Variants in PNPLA1 observed in about 807,000 individuals in gnomAD.
PNPLA1 encodes omega-hydroxyceramide transacylase.
Under a neutral mutation model 51.7 loss-of-function variants are expected in PNPLA1, and 36 were observed. The ratio of observed to expected loss-of-function variants is 0.70; its 90% CI spans 0.53 to 0.92. PNPLA1 has a LOEUF of 0.92. Among genes scored for constraint, PNPLA1 ranks in the 40% least tolerant of loss-of-function variants. PNPLA1 has a pLI of 0.00. For synonymous variants in PNPLA1, 293 were observed against 280.1 expected (o/e 1.05, Z -0.46); for missense variants, 658 against 682.5 (o/e 0.96, Z 0.40).
intron 1 of PNPLA1, among the ~76,000 whole-genome samples, chr6:36,259,613 C>G (rs1277619792): frequency 6.6e-6 from 1 of 151,882 alleles, no homozygotes; most frequent in African/African-American, 2.4e-5. Flanking sequence ...AAAAAAAACA[C>G]TGTGAGAACC....
Position 36,313,142 on chromosome 6 carries a change from T to C in PNPLA1, c.*1256T>C, listed in dbSNP as rs1771442048. The stretch of plus-strand genomic sequence containing the variant: ...GCTGTGGTGTTGAGACAGGCTGCCC[T>C]GGAGTCCTGGGTGGCTGTAGAGGAA... On this transcript the variant is annotated 3_prime_UTR_variant, in exon 9 of 9. Coordinates refer to ENST00000636260, the MANE Select transcript of PNPLA1 (RefSeq NM_001374623.1). Among the ~76,000 whole-genome samples the C allele has an allele frequency of 6.6e-6, 1 of 152,184 alleles. No homozygotes were observed. The highest frequency in any genetic ancestry group is 2.4e-5 in the African/African-American group (1 of 41,446).
At chr6:36,266,810 A>T (rs1769771343), upstream of PNPLA1, among the ~76,000 whole-genome samples, 1 of 152,208 alleles carries the variant, frequency 6.6e-6, no homozygotes, top group Admixed American at 6.5e-5. Flanking sequence ...GATTCAGGTG[A>T]CATCGTTTTG....
chr6:36,251,707 G>A (rs1303441532), intron 1 of PNPLA1, among the ~76,000 whole-genome samples: 1 of 152,152 alleles, frequency 6.6e-6, no homozygotes. Flanking sequence ...GGAGGCAGAG[G>A]TGGGAGGACT....
In PNPLA1 at chr6:36,276,146, AC is replaced by A. The variant is rs1770090356; in HGVS notation, c.205+5483del. On this transcript the variant is annotated intron_variant, in intron 1 of 8. Transcript: ENST00000636260. The stretch of plus-strand genomic sequence containing the variant: ...GCTAATTTTTGTATTTTTAGTAGAG[AC>A]AGGGTTTCACCACGTTGGTCAGGCT... Among the ~76,000 whole-genome samples, 3 of 151,590 alleles carry A rather than the reference AC, an allele frequency of 2.0e-5. No individual in the cohort carries two copies. The South Asian group carries it at 6.2e-4, about 32-fold the overall frequency.
chr6:36,279,382 C>G (rs1172999477), intron 1 of PNPLA1, among the ~76,000 whole-genome samples: 1 of 152,200 alleles, frequency 6.6e-6, no homozygotes, highest in Non-Finnish European at 1.5e-5. Flanking sequence ...GGCCCTGGAG[C>G]TGAGGCTGGC....
chr6:36,306,277 T>C lies in PNPLA1; in HGVS notation c.1385-15T>C, dbSNP rs770880134. On this transcript the variant is annotated splice_polypyrimidine_tract_variant and intron_variant, in intron 6 of 8. Coordinates refer to ENST00000636260, the MANE Select transcript of PNPLA1 (RefSeq NM_001374623.1). The stretch of plus-strand genomic sequence containing the variant: ...CTCCCCATCTCACTCCCGTTTCCTA[T>C]ATCTTTACTTTTAGCTGTAGCTCTT... The C allele has an allele frequency of 3.7e-6, 6 of 1,602,178 alleles. No homozygotes were observed. Among genetic ancestry groups the C allele is most frequent in the East Asian group, 2.2e-5 (1 of 44,664 alleles).
In PNPLA1 at chr6:36,301,926, A is replaced by T. The variant is rs1426633650; in HGVS notation, c.841A>T (p.Ile281Leu). The change falls in exon 6 of 9, where the codon ATA becomes TTA. Residue 281 changes from isoleucine to leucine, a missense_variant. Coordinates refer to ENST00000636260, the MANE Select transcript of PNPLA1 (RefSeq NM_001374623.1). ...IFPRVEVYCQ[I>L]ELALGNECPE... ...CCCCCGGGTGGAAGTGTACTGCCAG[A>T]TAGAACTCGCCCTTGGCAATGAGTG... 1 of 1,614,188 alleles carries T rather than the reference A, an allele frequency of 6.2e-7. No homozygotes were observed. Among genetic ancestry groups the T allele is most frequent in the Admixed American group, 1.7e-5 (1 of 60,016 alleles).
chr6:36,270,457 G>C lies in PNPLA1; in HGVS notation c.-3G>C. ...CTTCCGCAGAAAGTCAGAGGCCGAG[G>C]AGATGGAAGAACAGGTGTTCAAGGG... On this transcript the variant is annotated 5_prime_UTR_variant, in exon 1 of 9. Coordinates refer to ENST00000636260, the MANE Select transcript of PNPLA1 (RefSeq NM_001374623.1). The C allele has an allele frequency of 6.4e-7, 1 of 1,551,160 alleles. No homozygotes were observed. The highest frequency in any genetic ancestry group is 1.2e-5 in the South Asian group (1 of 84,062).
In PNPLA1 at chr6:36,293,082, G is replaced by A. The variant is rs750855340; in HGVS notation, c.460G>A (p.Val154Ile). The A allele has an allele frequency of 3.2e-5, 51 of 1,613,954 alleles. No homozygotes were observed. The highest frequency in any genetic ancestry group is 1.1e-4 in the East Asian group (5 of 44,892). ...ACAGGCCCTATACTGCAGCTGCTTCGTCCCGGTGTACTGTGGCCTCATCCC... is the reference window on the plus strand; with the variant it reads ...ACAGGCCCTATACTGCAGCTGCTTCATCCCGGTGTACTGTGGCCTCATCCC... ...LIEALYCSCF[V>I]PVYCGLIPPT... The change falls in exon 3 of 9, where the codon GTC (valine) becomes ATC (isoleucine). Residue 154 changes from valine to isoleucine, a missense_variant. Coordinates refer to ENST00000636260, the MANE Select transcript of PNPLA1 (RefSeq NM_001374623.1).
At chr6:36,298,797 G>C (rs568213949) in intron 5 of PNPLA1, among the ~76,000 whole-genome samples, 194 of 152,308 alleles carry the variant, frequency 1.3e-3, no homozygotes, top group African/African-American at 4.4e-3. Context: ...AGAGTGTGGT[G>C]GTGTGATCTC....
chr6:36,293,944 G>T (rs1233836293), intron 3 of PNPLA1, among the ~76,000 whole-genome samples: 1 of 152,128 alleles, frequency 6.6e-6, no homozygotes. Context: ...GATAGTGGAG[G>T]GAGGATCAGT....
intron 1 of PNPLA1, among the ~76,000 whole-genome samples, chr6:36,276,661 T>G (rs1292659748): frequency 3.9e-5 from 6 of 152,206 alleles, no homozygotes; most frequent in Non-Finnish European, 7.3e-5. Flanking sequence ...CTTAAAACCC[T>G]ACTCCCACTT....
At chr6:36,298,898 C>T (rs1237221837) in intron 5 of PNPLA1, among the ~76,000 whole-genome samples, 1 of 152,178 alleles carries the variant, frequency 6.6e-6, no homozygotes, top group African/African-American at 2.4e-5. Context: ...GCCACCACGT[C>T]CAGCTAATTT....
At chr6:36,276,737 C>T (rs1232217214) in intron 1 of PNPLA1, among the ~76,000 whole-genome samples, 1 of 150,562 alleles carries the variant, frequency 6.6e-6, no homozygotes, top group Non-Finnish European at 1.5e-5. Context: ...TCCCTTCGTT[C>T]CTTTCTTCGT....
At chr6:36,298,326 A>G (rs1770922256) in intron 5 of PNPLA1, among the ~76,000 whole-genome samples, 1 of 152,252 alleles carries the variant, frequency 6.6e-6, no homozygotes, top group Non-Finnish European at 1.5e-5. Context: ...CTTGGTGTGG[A>G]CATATGCTTT....
chr6:36,271,353 C>T (rs1371325933), intron 1 of PNPLA1, among the ~76,000 whole-genome samples: 2 of 152,114 alleles, frequency 1.3e-5, no homozygotes, highest in African/African-American at 2.4e-5. Flanking sequence ...AGGAACAAGC[C>T]CAACAGCCTA....
chr6:36,246,651 A>G (rs922010309), intron 1 of PNPLA1, among the ~76,000 whole-genome samples: 1 of 152,184 alleles, frequency 6.6e-6, no homozygotes, highest in Non-Finnish European at 1.5e-5. Context: ...TCCTTTATGC[A>G]TAAGAAACTA....
chr6:36,268,998 A>G (rs192304763), upstream of PNPLA1, among the ~76,000 whole-genome samples: 1 of 151,372 alleles, frequency 6.6e-6, no homozygotes, highest in Non-Finnish European at 1.5e-5. Flanking sequence ...CACACACTTT[A>G]TCTAATCTAA....
chr6:36,258,072 G>A (rs758396618), intron 1 of PNPLA1, among the ~76,000 whole-genome samples: 2 of 152,044 alleles, frequency 1.3e-5, no homozygotes, highest in South Asian at 2.1e-4. Flanking sequence ...CAATCCTCCC[G>A]CCTCAGCCTC....
Sources: gnomAD v4.1 joint callset for allele counts (sites outside exome capture counted in the v4.1 genomes callset) on GRCh38, gnomAD v4.1.1 for gene constraint, MANE v1.5 for transcripts, NCBI Gene and HGNC (gene_info 2026-07-23, HGNC 2026-07-21) for gene names.